Variants in LDB2 observed in about 807,000 individuals in gnomAD.
The protein encoded by LDB2 is LIM domain-binding protein 2.
LDB2 carries 12 observed loss-of-function variants against 44.3 expected under a neutral mutation model. That is an observed-to-expected ratio of 0.27 (90% CI 0.17 to 0.44). The LOEUF (loss-of-function observed/expected upper bound fraction) is 0.44. Among genes scored for constraint, LDB2 ranks in the 20% least tolerant of loss-of-function variants. LDB2 has a pLI of 1.00. For synonymous variants in LDB2, 164 were observed against 174.8 expected, an observed-to-expected ratio of 0.94 and a Z score of 0.49; for missense variants, 344 against 473.5, an observed-to-expected ratio of 0.73 and a Z score of 2.54.
intron 1 of LDB2, among the ~76,000 whole-genome samples, chr4:16,895,222 T>C (rs1724625833): frequency 1.3e-5 from 2 of 151,608 alleles, no homozygotes; most frequent in South Asian, 4.2e-4. Context: ...TTTGTAAGAG[T>C]TAGAAATAAT....
chr4:16,801,664 T>C (rs1029038436), intron 1 of LDB2, among the ~76,000 whole-genome samples: 3 of 152,222 alleles, frequency 2.0e-5, no homozygotes, highest in African/African-American at 7.2e-5. Context: ...AACATAATAA[T>C]GTTCATCACT....
Position 16,746,736 on chromosome 4 carries a change from T to C in LDB2, c.235+12422A>G, listed in dbSNP as rs555967558. Among the ~76,000 whole-genome samples the C allele has an allele frequency of 6.8e-4, 103 of 152,272 alleles. 1 individual carries two copies. Among genetic ancestry groups the C allele is most frequent in the Admixed American group, 1.3e-3 (20 of 15,286 alleles). ...CAGGAGGCGGAGGTTGCAGTGAGTCTAGATTGTGCCACTGCATGCCAAGCT... is the reference window on the plus strand; with the variant it reads ...CAGGAGGCGGAGGTTGCAGTGAGTCCAGATTGTGCCACTGCATGCCAAGCT... On this transcript the variant is annotated intron_variant, in intron 2 of 7. Coordinates refer to ENST00000304523, the MANE Select transcript of LDB2 (RefSeq NM_001290.5).
In LDB2 at chr4:16,761,890, C is replaced by T. The variant is rs576964436; in HGVS notation, c.133-2630G>A. On this transcript the variant is annotated intron_variant, in intron 1 of 7. Coordinates refer to ENST00000304523, the MANE Select transcript of LDB2 (RefSeq NM_001290.5). Reference sequence around the variant, plus strand: ...AGATGTGGTGGTTCATGCCTGTAATCCCAGCACTTTGGGAGGCCTAGGTGG... The same window carrying T: ...AGATGTGGTGGTTCATGCCTGTAATTCCAGCACTTTGGGAGGCCTAGGTGG... 8.5e-5 allele frequency among the ~76,000 whole-genome samples: 13 copies of T among 152,242 alleles called. No individual in the cohort carries two copies. In the East Asian group the frequency reaches 2.3e-3, roughly 27 times the overall value.
chr4:16,577,987 G>A (rs1321762536), intron 5 of LDB2, among the ~76,000 whole-genome samples: 1 of 152,090 alleles, frequency 6.6e-6, no homozygotes, highest in Non-Finnish European at 1.5e-5. Context: ...TCAATACATA[G>A]TACTGGGAAA....
At chr4:16,540,988 G>A (rs753800269) in intron 5 of LDB2, among the ~76,000 whole-genome samples, 1 of 152,144 alleles carries the variant, frequency 6.6e-6, no homozygotes, top group African/African-American at 2.4e-5. Flanking sequence ...TACCAAATTA[G>A]TAGTATAAGG....
At chr4:16,874,399 T>C (rs16894130) in intron 1 of LDB2, among the ~76,000 whole-genome samples, 61,373 of 152,030 alleles carry the variant, frequency 0.4, 14,407 homozygotes, top group East Asian at 0.7. Flanking sequence ...TCTCAATGCA[T>C]GTTTTACAAT....
intron 2 of LDB2, among the ~76,000 whole-genome samples, chr4:16,653,364 G>A (rs546018043): frequency 1.5e-4 from 23 of 152,282 alleles, no homozygotes; most frequent in African/African-American, 4.1e-4. Flanking sequence ...TGGCAATATC[G>A]AGCTGACAAT....
chr4:16,804,405 AG>A, intron 1 of LDB2, among the ~76,000 whole-genome samples: 1 of 152,376 alleles, frequency 6.6e-6, no homozygotes, highest in East Asian at 1.9e-4. Flanking sequence ...ATGACAATTA[AG>A]GGGAAATTAA....
At chr4:16,894,337 G>GA (rs1359512193) in intron 1 of LDB2, among the ~76,000 whole-genome samples, 4 of 152,074 alleles carry the variant, frequency 2.6e-5, no homozygotes, top group Admixed American at 6.5e-5. Flanking sequence ...GAACAACAGT[G>GA]ATGCTAACCT....
chr4:16,809,066 C>T (rs1779298845), intron 1 of LDB2, among the ~76,000 whole-genome samples: 1 of 152,158 alleles, frequency 6.6e-6, no homozygotes, highest in Non-Finnish European at 1.5e-5. Context: ...TCTCTACTCT[C>T]TTTTTCTACT....
At chr4:16,686,320 G>T (rs1224677594) in intron 2 of LDB2, among the ~76,000 whole-genome samples, 1 of 152,176 alleles carries the variant, frequency 6.6e-6, no homozygotes, top group African/African-American at 2.4e-5. Flanking sequence ...TATTTTTACT[G>T]TGCTAGTCAT....
intron 2 of LDB2, among the ~76,000 whole-genome samples, chr4:16,758,183 A>G (rs567639833): frequency 1.5e-3 from 221 of 152,278 alleles, no homozygotes; most frequent in Non-Finnish European, 2.5e-3. Context: ...GCCTCCCCCA[A>G]TTTTTTGTTT....
chr4:16,530,339 T>TCA (rs931825869), intron 5 of LDB2, among the ~76,000 whole-genome samples: 1 of 152,210 alleles, frequency 6.6e-6, no homozygotes, highest in Non-Finnish European at 1.5e-5. Context: ...ACATTTGCTT[T>TCA]CAGTTGGGTC....
At chr4:16,526,078 G>A (rs1211204843) in intron 5 of LDB2, among the ~76,000 whole-genome samples, 1 of 152,184 alleles carries the variant, frequency 6.6e-6, no homozygotes, top group Non-Finnish European at 1.5e-5. Flanking sequence ...TAAAATCCTG[G>A]TAAAGTGGTA....
chr4:16,661,975 C>A (rs897906611), intron 2 of LDB2, among the ~76,000 whole-genome samples: 18 of 152,056 alleles, frequency 1.2e-4, no homozygotes, highest in Admixed American at 9.8e-4. Context: ...AGTCTTGAAC[C>A]AAAGGAAGTC....
At chr4:16,816,407 CT>C (rs1171864969) in intron 1 of LDB2, among the ~76,000 whole-genome samples, 4,721 of 120,828 alleles carry the variant, frequency 0.039, 36 homozygotes, top group African/African-American at 0.067. Flanking sequence ...CTTTTTCTTT[CT>C]TTTTTTTTTT....
chr4:16,682,859 G>A (rs560640268), intron 2 of LDB2, among the ~76,000 whole-genome samples: 3 of 152,340 alleles, frequency 2.0e-5, no homozygotes, highest in South Asian at 2.1e-4. Flanking sequence ...GGGAAACAGC[G>A]TGCTAGCTAT....
At chr4:16,680,990 G>A (rs1026501804) in intron 2 of LDB2, among the ~76,000 whole-genome samples, 20 of 152,142 alleles carry the variant, frequency 1.3e-4, no homozygotes, top group Admixed American at 9.2e-4. Flanking sequence ...TCAAAGATGC[G>A]CCTCAGGACT....
intron 1 of LDB2, among the ~76,000 whole-genome samples, chr4:16,820,053 A>G (rs1371646010): frequency 6.6e-6 from 1 of 152,218 alleles, no homozygotes; most frequent in South Asian, 2.1e-4. Flanking sequence ...TTATGCTGCA[A>G]AATATTAATT....
Sources: allele counts gnomAD v4.1 joint callset (sites outside exome capture counted in the v4.1 genomes callset), GRCh38; gene constraint gnomAD v4.1.1; transcripts MANE v1.5; gene names NCBI Gene and HGNC (gene_info 2026-07-23, HGNC 2026-07-21).